Variants in PDZRN3 observed in about 807,000 individuals in gnomAD.
The protein encoded by PDZRN3 is PDZ domain containing ring finger 3, also known as E3 ubiquitin-protein ligase PDZRN3.
A neutral mutation model predicts 85.7 loss-of-function variants in PDZRN3; 38 were observed. That is an observed-to-expected ratio of 0.44 (90% CI 0.34 to 0.58). PDZRN3 has a LOEUF of 0.58. PDZRN3 is among the 20% of genes least tolerant of loss of function. The probability of loss-of-function intolerance (pLI) is 0.01; values close to 1 mark genes in which losing one functional copy is unlikely to be tolerated. For synonymous variants in PDZRN3, 759 were observed against 638.0 expected (o/e 1.19, Z -2.86); for missense variants, 1,629 against 1,506.4 (o/e 1.08, Z -1.35).
chr3:73,461,910 G>A (rs931770568), intron 3 of PDZRN3, among the ~76,000 whole-genome samples: 1 of 152,096 alleles, frequency 6.6e-6, no homozygotes, highest in African/African-American at 2.4e-5. Context: ...AGATACTCTC[G>A]GGTGACACTG....
chr3:73,523,881 C>G (rs1198929057), intron 3 of PDZRN3, among the ~76,000 whole-genome samples: 1 of 152,118 alleles, frequency 6.6e-6, no homozygotes, highest in Non-Finnish European at 1.5e-5. Context: ...CAAAAAGCAG[C>G]AGGAAATGAA....
chr3:73,443,998 C>T (rs371080928), intron 3 of PDZRN3, among the ~76,000 whole-genome samples: 4 of 152,106 alleles, frequency 2.6e-5, no homozygotes, highest in South Asian at 2.1e-4. Context: ...ATGGCTGGAA[C>T]GAACGCGCAA....
At chr3:73,510,734 T>C (rs913046222) in intron 3 of PDZRN3, among the ~76,000 whole-genome samples, 1 of 152,158 alleles carries the variant, frequency 6.6e-6, no homozygotes, top group Non-Finnish European at 1.5e-5. Context: ...AAACCACAGA[T>C]GGTACCTAAC....
chr3:73,606,362 G>A (rs1015193664), intron 2 of PDZRN3, among the ~76,000 whole-genome samples: 2 of 152,216 alleles, frequency 1.3e-5, no homozygotes, highest in Admixed American at 6.5e-5. Flanking sequence ...ATGGGCTCAT[G>A]TTCTGAACCA....
chr3:73,594,767 A>C (rs1410612372), intron 3 of PDZRN3, among the ~76,000 whole-genome samples: 1 of 152,196 alleles, frequency 6.6e-6, no homozygotes. Context: ...AAAAGTGATA[A>C]AAGTGGCTAA....
intron 3 of PDZRN3, chr3:73,561,503 T>C (rs1487675423): frequency 6.6e-6 from 1 of 152,238 alleles, no homozygotes; most frequent in Non-Finnish European, 1.5e-5. Context: ...ATGTTGTTTC[T>C]ATTCAGTAAG....
At chr3:73,422,330 A>G (rs1457023430) in intron 3 of PDZRN3, among the ~76,000 whole-genome samples, 2 of 152,136 alleles carry the variant, frequency 1.3e-5, no homozygotes, top group Non-Finnish European at 2.9e-5. Context: ...TTTGTCAACT[A>G]CTTTAACCCT....
intron 3 of PDZRN3, among the ~76,000 whole-genome samples, chr3:73,516,382 T>G (rs1704255930): frequency 6.6e-6 from 1 of 152,238 alleles, no homozygotes; most frequent in South Asian, 2.1e-4. Flanking sequence ...CAATGTTGCC[T>G]ATTATCCAAC....
intron 3 of PDZRN3, among the ~76,000 whole-genome samples, chr3:73,593,705 AATATAC>A (rs1702393076): frequency 8.0e-6 from 1 of 124,826 alleles, no homozygotes; most frequent in African/African-American, 2.8e-5. Context: ...TACCGAAATA[AATATAC>A]ACACACACAC....
At chr3:73,466,918 A>C (rs939309742) in intron 3 of PDZRN3, among the ~76,000 whole-genome samples, 9 of 152,188 alleles carry the variant, frequency 5.9e-5, no homozygotes, top group Non-Finnish European at 1.2e-4. Flanking sequence ...TGAACATATT[A>C]AGTGATGCAT....
At chr3:73,581,282 C>T (rs1299496568) in intron 3 of PDZRN3, among the ~76,000 whole-genome samples, 1 of 152,226 alleles carries the variant, frequency 6.6e-6, no homozygotes, top group African/African-American at 2.4e-5. Flanking sequence ...TGAACATACA[C>T]ACTCAACTAT....
chr3:73,598,021 T>C (rs77579055), intron 3 of PDZRN3, among the ~76,000 whole-genome samples: 3,747 of 151,984 alleles, frequency 0.025, 154 homozygotes, highest in African/African-American at 0.085. Flanking sequence ...TTGAGGGTAA[T>C]ATTGATCTTA....
At chr3:73,575,433 G>A (rs955592115) in intron 3 of PDZRN3, among the ~76,000 whole-genome samples, 1 of 152,150 alleles carries the variant, frequency 6.6e-6, no homozygotes, top group African/African-American at 2.4e-5. Context: ...GCTCCAAGAA[G>A]CCTCATCTCA....
chr3:73,498,515 C>G (rs557890290), intron 3 of PDZRN3, among the ~76,000 whole-genome samples: 44 of 152,280 alleles, frequency 2.9e-4, no homozygotes, highest in African/African-American at 1.0e-3. Flanking sequence ...TTGCTATTCC[C>G]TATAACCTAA....
chr3:73,600,957 G>A (rs1249315208), intron 3 of PDZRN3, among the ~76,000 whole-genome samples: 1 of 152,160 alleles, frequency 6.6e-6, no homozygotes, highest in Non-Finnish European at 1.5e-5. Context: ...CCAAGTTTAA[G>A]AACCCTTCAA....
intron 5 of PDZRN3, among the ~76,000 whole-genome samples, chr3:73,397,511 C>G (rs1701663700): frequency 6.6e-6 from 1 of 152,168 alleles, no homozygotes; most frequent in African/African-American, 2.4e-5. Flanking sequence ...GAAAACTGGG[C>G]CCACTTGAGG....
chr3:73,513,014 GAAGA>G (rs1704195380), intron 3 of PDZRN3, among the ~76,000 whole-genome samples: 1 of 152,180 alleles, frequency 6.6e-6, no homozygotes, highest in Non-Finnish European at 1.5e-5. Context: ...CACACACAAA[GAAGA>G]AAGAATCGGG....
At chr3:73,497,412 A>AT (rs10575268) in intron 3 of PDZRN3, among the ~76,000 whole-genome samples, 1 of 151,928 alleles carries the variant, frequency 6.6e-6, no homozygotes, top group African/African-American at 2.4e-5. Flanking sequence ...CTTTAAAAAA[A>AT]TTTTTTTAAC....
At chr3:73,411,957 G>A (rs1445284921) in intron 3 of PDZRN3, among the ~76,000 whole-genome samples, 1 of 152,180 alleles carries the variant, frequency 6.6e-6, no homozygotes, top group Non-Finnish European at 1.5e-5. Context: ...GGGAAGTACA[G>A]CTACTATCAC....
Sources: gnomAD v4.1 joint callset for allele counts (sites outside exome capture counted in the v4.1 genomes callset) on GRCh38, gnomAD v4.1.1 for gene constraint, MANE v1.5 for transcripts, NCBI Gene and HGNC (gene_info 2026-07-23, HGNC 2026-07-21) for gene names.